The following MYO16 variants were observed in gnomAD, a reference collection of about 807,000 sequenced individuals.
MYO16 encodes the protein myosin XVI, also known as unconventional myosin-XVI.
A neutral mutation model predicts 205.3 loss-of-function variants in MYO16; 94 were observed. That is an observed-to-expected ratio of 0.46 (90% CI 0.39 to 0.54). The LOEUF is 0.54. Ranked by LOEUF, MYO16 falls within the 20% of genes least tolerant of loss-of-function variation. MYO16 has a pLI of 0.00. For synonymous variants in MYO16, 988 were observed against 954.0 expected (o/e 1.04, Z -0.66); for missense variants, 2,315 against 2,387.5 (o/e 0.97, Z 0.63).
At chr13:108,505,906 T>C in the MYO16 span, among the ~76,000 whole-genome samples, 18 of 152,216 alleles carry the variant, frequency 1.2e-4, no homozygotes, top group Non-Finnish European at 2.5e-4. Context: ...CAACACCATT[T>C]GTTGAAGATA....
At chr13:108,862,517 C>A (rs2139117228) in intron 11 of MYO16, among the ~76,000 whole-genome samples, 1 of 152,272 alleles carries the variant, frequency 6.6e-6, no homozygotes, top group South Asian at 2.1e-4. Flanking sequence ...ATGATCACAG[C>A]ACCTTTGTCC....
In MYO16 at chr13:109,207,056, C is replaced by T. The variant is rs1880631408; in HGVS notation, c.*220C>T. The T allele has an allele frequency of 3.8e-5, 20 of 527,272 alleles. 1 individual carries two copies. The East Asian group carries it at 6.6e-4, about 17-fold the overall frequency. 32.7% of individuals were successfully genotyped at this position (527,272 alleles called of 1,614,324 possible). On this transcript the variant is annotated 3_prime_UTR_variant, in exon 35 of 35. Transcript: ENST00000457511. ...CTTATCCATCTCGTGGTGATACACT[C>T]TGATTTTCAAGCTCCTCATTTACGG...
intron 23 of MYO16, among the ~76,000 whole-genome samples, chr13:109,035,819 T>A (rs937819914): frequency 6.6e-6 from 1 of 152,234 alleles, no homozygotes; most frequent in East Asian, 1.9e-4. Flanking sequence ...TCCTAGTAGC[T>A]GGAGCTGTGA....
At chr13:108,984,303 C>A (rs188649164) in intron 20 of MYO16, among the ~76,000 whole-genome samples, 1 of 152,234 alleles carries the variant, frequency 6.6e-6, no homozygotes, top group African/African-American at 2.4e-5. Flanking sequence ...TACCCATGAC[C>A]TGGATTAGCT....
chr13:109,013,633 T>C (rs1346912999), intron 22 of MYO16, among the ~76,000 whole-genome samples: 8 of 152,172 alleles, frequency 5.3e-5, no homozygotes, highest in Admixed American at 3.3e-4. Context: ...ACCTGTTGTT[T>C]CCTGACTTTT....
the MYO16 span, among the ~76,000 whole-genome samples, chr13:108,519,177 A>T: frequency 6.6e-6 from 1 of 152,226 alleles, no homozygotes; most frequent in Non-Finnish European, 1.5e-5. Flanking sequence ...AGAGGCAAGA[A>T]GTCCAAATTT....
At position 109,027,092 on chromosome 13, in the gene MYO16, TTGGTTACTTC is replaced by T. The variant is rs1410494723; in HGVS notation, c.2796+7185_2796+7194del. On this transcript the variant is annotated intron_variant, in intron 23 of 34. Transcript: ENST00000457511. ...AGTTCAAAGTCAAGTGTTGGCAGGGTTGGTTACTTCTGGAGACTCTGAGGGAGAGGCTGTT... is the reference window on the plus strand; with the variant it reads ...AGTTCAAAGTCAAGTGTTGGCAGGGTTGGAGACTCTGAGGGAGAGGCTGTT... 6.6e-5 allele frequency among the ~76,000 whole-genome samples: 10 copies of T among 152,162 alleles called. No individual in the cohort carries two copies. The East Asian group carries it at 1.4e-3, about 21-fold the overall frequency.
the MYO16 span, among the ~76,000 whole-genome samples, chr13:108,551,953 T>A: frequency 6.6e-6 from 1 of 152,108 alleles, no homozygotes; most frequent in African/African-American, 2.4e-5. Context: ...TCCACTAACT[T>A]AAACACATAG....
intron 32 of MYO16, among the ~76,000 whole-genome samples, chr13:109,154,911 GAAAAAA>G (rs59465499): frequency 4.1e-4 from 26 of 62,684 alleles, no homozygotes; most frequent in South Asian, 2.3e-3. Flanking sequence ...GGCTAATTAT[GAAAAAA>G]AAAAAAAAAA....
the MYO16 span, among the ~76,000 whole-genome samples, chr13:108,556,779 A>G: frequency 2.6e-4 from 40 of 151,410 alleles, no homozygotes; most frequent in African/African-American, 9.8e-4. Flanking sequence ...GAATTGAATT[A>G]TTTCATCCAT....
the MYO16 span, among the ~76,000 whole-genome samples, chr13:108,580,410 T>C: frequency 5.3e-5 from 8 of 152,228 alleles, no homozygotes; most frequent in Admixed American, 2.6e-4. Context: ...TTGTTTATCC[T>C]CCTACTAGCT....
chr13:108,687,225 C>A (rs1245275329), intron 2 of MYO16, among the ~76,000 whole-genome samples: 1 of 152,216 alleles, frequency 6.6e-6, no homozygotes, highest in Admixed American at 6.5e-5. Flanking sequence ...TCTCACTTCT[C>A]TGTAGATTAG....
rs537462057 is a variant in MYO16, at chr13:109,142,828, C to G, written c.5164+1452C>G. On this transcript the variant is annotated intron_variant, in intron 32 of 34. Coordinates refer to ENST00000457511, the MANE Select transcript of MYO16 (RefSeq NM_001198950.3). ...ACCCGAGAAGATTCTGTATCTGCGC[C>G]CCTGAGCTGCTGCCCAGCCCAATCC... 2.6e-5 allele frequency among the ~76,000 whole-genome samples: 4 copies of G among 152,220 alleles called. No individual in the cohort carries two copies. The East Asian group carries it at 7.7e-4, about 29-fold the overall frequency.
chr13:108,925,273 A>G (rs570856085), intron 16 of MYO16, among the ~76,000 whole-genome samples: 18 of 152,108 alleles, frequency 1.2e-4, no homozygotes, highest in Non-Finnish European at 2.1e-4. Flanking sequence ...AGGAGTGACA[A>G]TGGGGCAATT....
chr13:108,571,894 A>G, the MYO16 span, among the ~76,000 whole-genome samples: 1 of 151,160 alleles, frequency 6.6e-6, no homozygotes, highest in South Asian at 2.1e-4. Context: ...CCCCCACATC[A>G]AGTTTCGTTG....
chr13:108,914,050 A>G (rs1881380468), intron 16 of MYO16, among the ~76,000 whole-genome samples: 1 of 151,874 alleles, frequency 6.6e-6, no homozygotes. Context: ...GATTCTACAT[A>G]TATGTAGTAT....
At chr13:108,797,498 C>T (rs923469061) in intron 6 of MYO16, among the ~76,000 whole-genome samples, 1 of 152,160 alleles carries the variant, frequency 6.6e-6, no homozygotes, top group Non-Finnish European at 1.5e-5. Context: ...ACGAAATGTC[C>T]TCGGAACCAA....
intron 34 of MYO16, among the ~76,000 whole-genome samples, chr13:109,186,181 AAAC>A (rs2139932505): frequency 6.6e-6 from 1 of 152,286 alleles, no homozygotes; most frequent in East Asian, 1.9e-4. Flanking sequence ...TTAAATTAAA[AAAC>A]AACTTTAGGG....
At chr13:108,880,082 C>T (rs766654838) in intron 12 of MYO16, among the ~76,000 whole-genome samples, 127 of 152,134 alleles carry the variant, frequency 8.3e-4, no homozygotes, top group East Asian at 1.5e-3. Context: ...TATCTCATTG[C>T]GGTTTTGATT....
Sources: allele counts gnomAD v4.1 joint callset (sites outside exome capture counted in the v4.1 genomes callset), GRCh38; gene constraint gnomAD v4.1.1; transcripts MANE v1.5; gene names NCBI Gene and HGNC (gene_info 2026-07-23, HGNC 2026-07-21).